MYL5: variants seen among roughly 807,000 people sequenced by gnomAD.
MYL5 encodes myosin light chain 5.
A neutral mutation model predicts 20.8 loss-of-function variants in MYL5; 28 were observed. The ratio of observed to expected loss-of-function variants is 1.35; its 90% CI spans 1.00 to 1.84. The LOEUF (loss-of-function observed/expected upper bound fraction) is 1.84. Among genes scored for constraint, MYL5 ranks in the 40% most tolerant of loss-of-function variants. The probability of loss-of-function intolerance (pLI) is 0.00; values close to 1 mark genes in which losing one functional copy is unlikely to be tolerated. For missense variants in MYL5, 274 were observed against 227.3 expected, an observed-to-expected ratio of 1.21 and a Z score of -1.32; for synonymous variants, 118 against 87.4, an observed-to-expected ratio of 1.35 and a Z score of -1.95.
At chr4:678,693 C>T (rs1312219386) in exon 2 of MYL5, 4 of 1,611,476 alleles carry the variant, frequency 2.5e-6, no homozygotes, top group Non-Finnish European at 3.4e-6. Context: ...AAGGGGGTGC[C>T]CTCCGGGCCC....
rs1393397552 is a variant in MYL5, at chr4:679,552, G to GTGA, written c.188-362_188-361insTGA. Among the ~76,000 whole-genome samples the GTGA allele has an allele frequency of 2.0e-5, 3 of 152,206 alleles. No homozygotes were observed. The East Asian group carries it at 5.8e-4, about 29-fold the overall frequency. ...CTGACCTGAGGCAGGAGGGCAGGGG[G>GTGA]CTTCGGTCCTGCCCTGGGAGCTGGG... is the stretch of plus-strand genomic sequence containing the variant. On this transcript the variant is annotated intron_variant, in intron 3 of 6. Coordinates refer to ENST00000400159, the Ensembl canonical transcript of MYL5.
In MYL5 at chr4:681,986, GA is replaced by G; in HGVS notation, c.515del (p.Glu172GlyfsTer9). ...CGTGATCACCCACGGGGAGGAGAAG[GA>G]GGAGTGAGACCCAGCCGGGTCAATA... On this transcript the variant is annotated frameshift_variant, in exon 7 of 7. Transcript: ENST00000400159. LOFTEE classifies it high-confidence loss of function. 7.1e-7 allele frequency: 1 copy of G among 1,408,486 alleles called. No individual in the cohort carries two copies. The highest frequency in any genetic ancestry group is 1.6e-5 in the South Asian group (1 of 63,096). 87.2% of individuals were successfully genotyped at this position (1,408,486 alleles called of 1,614,324 possible).
At chr4:675,310 G>A (rs372438726), upstream of MYL5, 16 of 152,604 alleles carry the variant, frequency 1.0e-4, no homozygotes, top group East Asian at 1.9e-3. Flanking sequence ...TCTTCCTGGC[G>A]GCAGCCATGC....
chr4:678,089 G>A, intron 1 of MYL5, 60 bp downstream of exon 3: 2 of 1,600,612 alleles, frequency 1.2e-6, no homozygotes, highest in Non-Finnish European at 1.7e-6. Context: ...TGCTGTGCAT[G>A]TGTACATGCG....
intron 4 of MYL5, 117 bp downstream of exon 6, chr4:680,135 A>C (rs2109348244): frequency 9.7e-7 from 1 of 1,030,514 alleles, no homozygotes; most frequent in East Asian, 2.6e-5. Context: ...AGGGCCTGGC[A>C]CTCTGGGAGC....
chr4:676,929 G>A (rs1197358998), upstream of MYL5: 3 of 985,400 alleles, frequency 3.0e-6, no homozygotes, highest in Non-Finnish European at 3.6e-6. Flanking sequence ...ATGGCACCAG[G>A]CAGCATCTCA....
At chr4:676,453 C>T (rs557930298), upstream of MYL5, 1 of 152,388 alleles carries the variant, frequency 6.6e-6, no homozygotes, top group Admixed American at 6.5e-5. Flanking sequence ...CAAGGCCTTT[C>T]CTGAGAGCTT....
At chr4:679,918 G>T (rs948111629) in exon 4 of MYL5, 2 of 1,613,578 alleles carry the variant, frequency 1.2e-6, no homozygotes, top group African/African-American at 2.7e-5. Context: ...TAACAGGCAA[G>T]ACCAACGTCA....
At chr4:677,864 C>T, upstream of MYL5, 1 of 1,240,418 alleles carries the variant, frequency 8.1e-7, no homozygotes, top group Non-Finnish European at 1.2e-6. Context: ...GCCAGGCTGC[C>T]AAAGCTCACT....
At chr4:681,514 T>A (rs1313125965) in intron 6 of MYL5, among the ~76,000 whole-genome samples, 10 of 51,988 alleles carry the variant, frequency 1.9e-4, no homozygotes, top group Non-Finnish European at 2.6e-4. Context: ...CCCCCGCACC[T>A]CCCCCAGACC....
chr4:676,913 C>G (rs1214509817), upstream of MYL5: 26 of 985,406 alleles, frequency 2.6e-5, no homozygotes, highest in Non-Finnish European at 3.0e-5. Flanking sequence ...GCCGCTGGAC[C>G]TGGGGATGGC....
intron 1 of MYL5, chr4:678,407 G>C (rs1421409681): frequency 2.1e-6 from 3 of 1,419,704 alleles, no homozygotes; most frequent in Admixed American, 5.8e-5. Context: ...TGACCACTGT[G>C]CTCTGTGGGC....
At chr4:676,371 A>C (rs1478996292), upstream of MYL5, 1 of 152,356 alleles carries the variant, frequency 6.6e-6, no homozygotes, top group Admixed American at 6.5e-5. Context: ...GGGCACCAGC[A>C]GAGAAAACAT....
chr4:677,507 C>T (rs74905711), upstream of MYL5, among the ~76,000 whole-genome samples: 86 of 152,348 alleles, frequency 5.6e-4, 1 homozygote, highest in East Asian at 0.016. Context: ...GGGGTGGTCC[C>T]AGGGCCAAGG....
chr4:681,287 C>T, intron 6 of MYL5, 147 bp downstream of exon 8: 1 of 921,514 alleles, frequency 1.1e-6, no homozygotes, highest in Non-Finnish European at 1.6e-6. Context: ...CCCGAAGTGC[C>T]CGTCTGAGGG....
At chr4:679,669 C>T (rs1739244659) in intron 3 of MYL5, among the ~76,000 whole-genome samples, 1 of 152,222 alleles carries the variant, frequency 6.6e-6, no homozygotes, top group Admixed American at 6.5e-5. Context: ...CAGATCCCAG[C>T]ACCTTCCCAG....
In MYL5 at chr4:681,884, C is replaced by A. The variant is rs551285938; in HGVS notation, c.421-9C>A. ...AGCCCGCAAGGAGCCCTTTCGCCCC[C>A]GCCCGCAGGTGGACCAGATGTTCCA... On this transcript the variant is annotated splice_polypyrimidine_tract_variant and intron_variant, in intron 6 of 6. Transcript: ENST00000400159. 39 of 1,313,794 alleles carry A rather than the reference C, an allele frequency of 3.0e-5. No homozygotes were observed. The highest frequency in any genetic ancestry group is 5.9e-6 in the Non-Finnish European group (6 of 1,022,180). 81.4% of individuals were successfully genotyped at this position (1,313,794 alleles called of 1,614,324 possible).
upstream of MYL5, among the ~76,000 whole-genome samples, chr4:676,660 C>CG (rs1254130594): frequency 3.3e-5 from 5 of 152,184 alleles, no homozygotes; most frequent in Non-Finnish European, 5.9e-5. Flanking sequence ...CCGGTGGCCT[C>CG]GGGGGGCCTC....
At chr4:680,904 G>A (rs2109355872) in intron 5 of MYL5, 188 bp from the exon 8 acceptor site, 4 of 686,916 alleles carry the variant, frequency 5.8e-6, no homozygotes, top group African/African-American at 1.8e-5. Context: ...CCCCATCAGC[G>A]GCTCCCCCAG....
Sources: allele counts gnomAD v4.1 joint callset (sites outside exome capture counted in the v4.1 genomes callset), GRCh38; gene constraint gnomAD v4.1.1; transcripts MANE v1.5; gene names NCBI Gene and HGNC (gene_info 2026-07-23, HGNC 2026-07-21).